The following PTPRD variants were observed in gnomAD, a reference collection of about 807,000 sequenced individuals.
The protein encoded by PTPRD is protein tyrosine phosphatase receptor type D.
In PTPRD, 34 loss-of-function variants were observed where a neutral mutation model predicts 214.5. That is an observed-to-expected ratio of 0.16 (90% CI 0.12 to 0.21). The LOEUF (loss-of-function observed/expected upper bound fraction) is 0.21. Ranked by LOEUF, PTPRD falls within the 10% of genes least tolerant of loss-of-function variation. The pLI is 1.00. For synonymous variants in PTPRD, 1,128 were observed against 845.7 expected (o/e 1.33, Z -5.79); for missense variants, 2,545 against 2,398.7 (o/e 1.06, Z -1.27).
chr9:10,515,414 GC>G (rs34636540), intron 2 of PTPRD, among the ~76,000 whole-genome samples: 34,051 of 151,808 alleles, frequency 0.22, 4,625 homozygotes, highest in East Asian at 0.3. Context: ...AAAGGGCAAC[GC>G]CATTTGGCGA....
intron 4 of PTPRD, among the ~76,000 whole-genome samples, chr9:10,015,229 T>C (rs1423779999): frequency 6.6e-6 from 1 of 152,152 alleles, no homozygotes; most frequent in Non-Finnish European, 1.5e-5. Context: ...GCTTTTTCAT[T>C]GGTTTAGCTA....
chr9:10,410,275 A>G, intron 2 of PTPRD, among the ~76,000 whole-genome samples: 1 of 143,310 alleles, frequency 7.0e-6, no homozygotes, highest in Non-Finnish European at 1.5e-5. Context: ...ATATATACAC[A>G]CACACACACA....
At chr9:8,338,694 G>A (rs1368036045) in intron 43 of PTPRD, among the ~76,000 whole-genome samples, 1 of 152,022 alleles carries the variant, frequency 6.6e-6, no homozygotes, top group Non-Finnish European at 1.5e-5. Flanking sequence ...TGAGCTGCCA[G>A]ATGTTATGTT....
intron 11 of PTPRD, among the ~76,000 whole-genome samples, chr9:8,758,918 C>T (rs994802358): frequency 2.0e-5 from 3 of 152,094 alleles, no homozygotes; most frequent in Admixed American, 1.3e-4. Context: ...ATCTCCTGAC[C>T]TCGTGATCCA....
intron 11 of PTPRD, among the ~76,000 whole-genome samples, chr9:8,935,818 C>T (rs962542004): frequency 6.6e-6 from 1 of 152,170 alleles, no homozygotes; most frequent in Non-Finnish European, 1.5e-5. Context: ...TCATAATCCC[C>T]CTTTCCCTTT....
At chr9:8,753,960 C>A (rs188388819) in intron 11 of PTPRD, among the ~76,000 whole-genome samples, 2 of 151,968 alleles carry the variant, frequency 1.3e-5, no homozygotes, top group South Asian at 4.1e-4. Flanking sequence ...GCCAAGCCAA[C>A]GTGGAGAAAC....
chr9:9,703,096 G>C (rs1277759723), intron 7 of PTPRD, among the ~76,000 whole-genome samples: 2 of 152,076 alleles, frequency 1.3e-5, no homozygotes, highest in East Asian at 3.9e-4. Context: ...TTGGATGGTG[G>C]GGGCAGTTCC....
At chr9:9,082,134 C>A (rs887379579) in intron 10 of PTPRD, among the ~76,000 whole-genome samples, 2 of 151,942 alleles carry the variant, frequency 1.3e-5, no homozygotes, top group Non-Finnish European at 2.9e-5. Context: ...ATCCTGATAC[C>A]AAAACCTGGC....
intron 12 of PTPRD, among the ~76,000 whole-genome samples, chr9:8,652,760 G>C (rs1596136345): frequency 2.0e-5 from 3 of 152,268 alleles, no homozygotes; most frequent in African/African-American, 7.2e-5. Flanking sequence ...AGTGTCCACA[G>C]ATCATGATGA....
At chr9:10,154,260 T>C (rs930067006) in intron 3 of PTPRD, among the ~76,000 whole-genome samples, 3 of 152,190 alleles carry the variant, frequency 2.0e-5, no homozygotes, top group Non-Finnish European at 4.4e-5. Flanking sequence ...GTTGGCTGCA[T>C]GTATGTCTTC....
intron 7 of PTPRD, among the ~76,000 whole-genome samples, chr9:9,576,741 A>G (rs903797959): frequency 6.6e-6 from 1 of 152,208 alleles, no homozygotes; most frequent in African/African-American, 2.4e-5. Flanking sequence ...TGTTATTACT[A>G]TTTTATTACT....
intron 2 of PTPRD, among the ~76,000 whole-genome samples, chr9:10,563,495 A>C (rs145466443): frequency 0.011 from 1,671 of 152,296 alleles, 32 homozygotes; most frequent in African/African-American, 0.037. Flanking sequence ...TTTCCCTCTT[A>C]ATATTTTAGC....
chr9:9,620,200 G>C (rs779881011), intron 7 of PTPRD, among the ~76,000 whole-genome samples: 18 of 152,066 alleles, frequency 1.2e-4, no homozygotes, highest in Admixed American at 5.9e-4. Flanking sequence ...ATTCAGAAGA[G>C]CACAGCCCTA....
intron 7 of PTPRD, among the ~76,000 whole-genome samples, chr9:9,699,625 T>C (rs754083329): frequency 6.6e-6 from 1 of 152,194 alleles, no homozygotes; most frequent in African/African-American, 2.4e-5. Flanking sequence ...CTTAGAAGAA[T>C]ATGTGTTTTC....
chr9:8,335,353 A>C (rs2131942780), intron 43 of PTPRD, among the ~76,000 whole-genome samples: 1 of 152,168 alleles, frequency 6.6e-6, no homozygotes, highest in African/African-American at 2.4e-5. Flanking sequence ...CAAATCAATA[A>C]ACATAATCCA....
intron 3 of PTPRD, among the ~76,000 whole-genome samples, chr9:10,216,696 C>A (rs7874623): frequency 0.014 from 2,171 of 152,098 alleles, 58 homozygotes; most frequent in African/African-American, 0.049. Context: ...CAATAGAGCT[C>A]TCTTGAATTT....
intron 4 of PTPRD, among the ~76,000 whole-genome samples, chr9:10,002,671 G>C (rs1214673098): frequency 6.7e-6 from 1 of 149,686 alleles, no homozygotes; most frequent in African/African-American, 2.5e-5. Context: ...CCTAATGACA[G>C]AGTCTCAAAA....
intron 37 of PTPRD, among the ~76,000 whole-genome samples, chr9:8,382,906 C>A (rs569310031): frequency 6.6e-6 from 1 of 152,290 alleles, no homozygotes; most frequent in South Asian, 2.1e-4. Flanking sequence ...GCTTCCAGTT[C>A]CATTTGGAAA....
chr9:8,441,801 G>C (rs879745557), intron 34 of PTPRD, among the ~76,000 whole-genome samples: 1 of 152,066 alleles, frequency 6.6e-6, no homozygotes, highest in Non-Finnish European at 1.5e-5. Flanking sequence ...TAAAGAACTC[G>C]ATCAAAGTCA....
Sources: gnomAD v4.1 joint callset for allele counts (sites outside exome capture counted in the v4.1 genomes callset) on GRCh38, gnomAD v4.1.1 for gene constraint, MANE v1.5 for transcripts, NCBI Gene and HGNC (gene_info 2026-07-23, HGNC 2026-07-21) for gene names.